The following TRIM34 variants were observed in gnomAD, a reference collection of about 807,000 sequenced individuals.
TRIM34 encodes the protein E3 ubiquitin-protein ligase TRIM34.
A neutral mutation model predicts 38.1 loss-of-function variants in TRIM34; 41 were observed. The ratio of observed to expected loss-of-function variants is 1.08; its 90% confidence interval spans 0.84 to 1.40. The LOEUF (loss-of-function observed/expected upper bound fraction) is 1.40, where lower values mean the gene tolerates loss of function less well. Among genes scored for constraint, TRIM34 ranks in the 40% most tolerant of loss-of-function variants. TRIM34 has a pLI of 0.00. For missense variants in TRIM34, 556 were observed against 571.4 expected (o/e 0.97, Z 0.27); for synonymous variants, 200 against 202.5 (o/e 0.99, Z 0.10).
intron 4 of TRIM34, among the ~76,000 whole-genome samples, chr11:5,639,608 A>T (rs370260056): frequency 3.7e-4 from 47 of 127,916 alleles, no homozygotes; most frequent in African/African-American, 1.3e-3. Context: ...TGAACCGGGG[A>T]GGTGGAGGTT....
upstream of TRIM34, among the ~76,000 whole-genome samples, chr11:5,623,498 G>C (rs1475468088): frequency 6.6e-5 from 10 of 150,908 alleles, no homozygotes; most frequent in African/African-American, 2.4e-5. Flanking sequence ...CTCCTGAGTA[G>C]CTGGGATTAC....
chr11:5,628,567 G>A (rs1849342721), intron 1 of TRIM34, among the ~76,000 whole-genome samples: 2 of 152,062 alleles, frequency 1.3e-5, no homozygotes, highest in Admixed American at 1.3e-4. Flanking sequence ...GACAGGTCTC[G>A]AGGCCTAGGT....
chr11:5,620,167 C>CTTTTTTTTTTTTTTTTTT (rs60013395), upstream of TRIM34: 47 of 72,784 alleles, frequency 6.5e-4, 3 homozygotes, highest in African/African-American at 1.3e-3. Context: ...TTTCTTTCTT[C>CTTTTTTTTTTTTTTTTTT]TTTTTTTTTT....
chr11:5,640,236 A>G (rs1431505101), intron 4 of TRIM34, among the ~76,000 whole-genome samples: 1 of 152,190 alleles, frequency 6.6e-6, no homozygotes, highest in Non-Finnish European at 1.5e-5. Context: ...ACCACAAAGT[A>G]TGATGTTAGC....
chr11:5,632,307 C>G lies in TRIM34; in HGVS notation c.-25C>G, dbSNP rs1270409142. On this transcript the variant is annotated 5_prime_UTR_variant, in exon 2 of 8. Transcript: ENST00000429814. The stretch of plus-strand genomic sequence containing the variant: ...AGAGGAGAGCCTCAGGAGTTAGGAC[C>G]AGAAGAAGCCAGGGAAGCAGTGCAA... The G allele has an allele frequency of 3.1e-6, 5 of 1,613,892 alleles. No homozygotes were observed. In the East Asian group the frequency reaches 1.1e-4, roughly 36 times the overall value.
intron 3 of TRIM34, 75 bp downstream of exon 3, chr11:5,633,974 T>A: frequency 6.6e-7 from 1 of 1,514,212 alleles, no homozygotes; most frequent in Non-Finnish European, 9.0e-7. Context: ...CTCGTCCTTT[T>A]TATTCCTTGA....
At chr11:5,625,509 T>C (rs879761789) in intron 1 of TRIM34, among the ~76,000 whole-genome samples, 1 of 152,196 alleles carries the variant, frequency 6.6e-6, no homozygotes, top group African/African-American at 2.4e-5. Flanking sequence ...GCTTAGCTCC[T>C]AGTATGTGGC....
chr11:5,631,931 A>C (rs1849498957), intron 1 of TRIM34, among the ~76,000 whole-genome samples: 1 of 152,214 alleles, frequency 6.6e-6, no homozygotes, highest in Non-Finnish European at 1.5e-5. Context: ...ATGTACACTG[A>C]ATGATGAGTT....
intron 3 of TRIM34, 115 bp from the exon 4 acceptor site, chr11:5,634,515 AC>A: frequency 1.8e-6 from 1 of 560,360 alleles, no homozygotes; most frequent in Non-Finnish European, 2.8e-6. Flanking sequence ...ACACACACAC[AC>A]ACACACACAC....
chr11:5,622,587 C>G (rs1047023984), upstream of TRIM34, among the ~76,000 whole-genome samples: 2 of 152,112 alleles, frequency 1.3e-5, no homozygotes, highest in African/African-American at 4.8e-5. Flanking sequence ...CATTGCACTC[C>G]AGTCTGGGCG....
At chr11:5,629,739 G>A (rs550955390) in intron 1 of TRIM34, among the ~76,000 whole-genome samples, 2 of 152,286 alleles carry the variant, frequency 1.3e-5, no homozygotes, top group African/African-American at 2.4e-5. Context: ...ACGGAGTCTC[G>A]CTCTGTCGCC....
intron 1 of TRIM34, among the ~76,000 whole-genome samples, chr11:5,628,286 G>A (rs568312831): frequency 6.6e-6 from 1 of 152,320 alleles, no homozygotes; most frequent in Admixed American, 6.5e-5. Flanking sequence ...GTTGGATACT[G>A]ATTGGAATAA....
At chr11:5,622,938 A>C (rs1849043988), upstream of TRIM34, among the ~76,000 whole-genome samples, 1 of 152,224 alleles carries the variant, frequency 6.6e-6, no homozygotes, top group African/African-American at 2.4e-5. Flanking sequence ...GTGAGACATC[A>C]ATCAATATAT....
upstream of TRIM34, among the ~76,000 whole-genome samples, chr11:5,621,377 C>T (rs1848987014): frequency 6.6e-6 from 1 of 152,164 alleles, no homozygotes. Flanking sequence ...TGTAAACAAG[C>T]CTTGAGGATA....
intron 1 of TRIM34, among the ~76,000 whole-genome samples, chr11:5,627,770 A>G (rs118025421): frequency 0.021 from 3,139 of 152,240 alleles, 65 homozygotes; most frequent in Middle Eastern, 0.041. Flanking sequence ...AACAGGCTCT[A>G]CTTTCCTTAT....
chr11:5,643,479 G>A lies in TRIM34; in HGVS notation c.1237G>A (p.Glu413Lys). 6.2e-7 allele frequency: 1 copy of A among 1,614,196 alleles called. No homozygotes were observed. The highest frequency in any genetic ancestry group is 8.5e-7 in the Non-Finnish European group (1 of 1,180,018). ...TAAATGTAAGTATGGTGTCTTTGAAGAGTCTTTGTCCTCTGATCCCGAGGT... is the reference window on the plus strand; with the variant it reads ...TAAATGTAAGTATGGTGTCTTTGAAAAGTCTTTGTCCTCTGATCCCGAGGT... ...QNKCKYGVFEESLSSDPEVLT... is the reference protein window; with the variant it reads ...QNKCKYGVFEKSLSSDPEVLT... The change falls in exon 8 of 8, where the codon GAG becomes AAG. Residue 413 changes from glutamate to lysine, a missense_variant. Coordinates refer to ENST00000429814, the MANE Select transcript of TRIM34 (RefSeq NM_021616.6).
At chr11:5,641,921 G>T (rs1369348001) in intron 5 of TRIM34, among the ~76,000 whole-genome samples, 1 of 152,118 alleles carries the variant, frequency 6.6e-6, no homozygotes, top group Non-Finnish European at 1.5e-5. Flanking sequence ...TTCCACTGGA[G>T]TTCAGGCTTT....
chr11:5,620,671 G>A (rs1409532248), upstream of TRIM34, among the ~76,000 whole-genome samples: 34 of 152,138 alleles, frequency 2.2e-4, no homozygotes, highest in Non-Finnish European at 4.6e-4. Flanking sequence ...GGTTATGGGT[G>A]CACATTATGC....
rs1850114013 is a variant in TRIM34 at position 5,643,482 on chromosome 11, T to C, written c.1240T>C (p.Ser414Pro). ...NKCKYGVFEE[S>P]LSSDPEVLTL... ...ATGTAAGTATGGTGTCTTTGAAGAGTCTTTGTCCTCTGATCCCGAGGTTTT... is the reference window on the plus strand; with the variant it reads ...ATGTAAGTATGGTGTCTTTGAAGAGCCTTTGTCCTCTGATCCCGAGGTTTT... Residue 414 changes from serine (S) to proline (P), a missense_variant, in exon 8 of 8, where the codon TCT becomes CCT. Transcript: ENST00000429814. 2.4e-5 allele frequency: 39 copies of C among 1,614,042 alleles called. No homozygotes were observed. The highest frequency in any genetic ancestry group is 3.3e-5 in the Non-Finnish European group (39 of 1,179,992).
Sources: allele counts gnomAD v4.1 joint callset (sites outside exome capture counted in the v4.1 genomes callset), GRCh38; gene constraint gnomAD v4.1.1; transcripts MANE v1.5; gene names NCBI Gene and HGNC (gene_info 2026-07-23, HGNC 2026-07-21).